NSRP1: variants seen among roughly 807,000 people sequenced by gnomAD.
NSRP1 encodes the protein nuclear speckle splicing regulatory protein 1.
In NSRP1, 24 loss-of-function variants were observed where a neutral mutation model predicts 54.7. The ratio of observed to expected loss-of-function variants is 0.44; its 90% CI spans 0.32 to 0.62. NSRP1 has a LOEUF of 0.62. Among genes scored for constraint, NSRP1 ranks in the 20% least tolerant of loss-of-function variants. The pLI, the probability that NSRP1 is intolerant of heterozygous loss-of-function variation, is 0.06. For missense variants in NSRP1, 596 were observed against 651.2 expected (o/e 0.92, Z 0.92); for synonymous variants, 210 against 213.8 (o/e 0.98, Z 0.15).
At chr17:30,135,497 G>A (rs949378762) in intron 2 of NSRP1, among the ~76,000 whole-genome samples, 3 of 150,104 alleles carry the variant, frequency 2.0e-5, no homozygotes, top group African/African-American at 4.9e-5. Context: ...TTTTTCAGAC[G>A]GAGTCTTACT....
At chr17:30,138,909 GTTTTTTTTT>G (rs964449971) in intron 2 of NSRP1, among the ~76,000 whole-genome samples, 5 of 58,140 alleles carry the variant, frequency 8.6e-5, no homozygotes, top group East Asian at 8.4e-4. Context: ...AAGTCTTAGC[GTTTTTTTTT>G]TTTTTTTTTT....
intron 2 of NSRP1, among the ~76,000 whole-genome samples, chr17:30,161,985 A>G (rs1904531923): frequency 6.6e-6 from 1 of 150,556 alleles, no homozygotes; most frequent in Admixed American, 6.6e-5. Flanking sequence ...AGAGTCATGT[A>G]TATTTTCTCT....
intron 2 of NSRP1, among the ~76,000 whole-genome samples, chr17:30,147,754 C>T (rs1048079414): frequency 2.0e-5 from 3 of 149,042 alleles, no homozygotes; most frequent in Non-Finnish European, 4.5e-5. Flanking sequence ...TGAGCCAGTG[C>T]GCCCAGCCCC....
At chr17:30,164,380 G>T (rs1043234230) in intron 2 of NSRP1, among the ~76,000 whole-genome samples, 22 of 152,112 alleles carry the variant, frequency 1.4e-4, no homozygotes, top group African/African-American at 5.3e-4. Flanking sequence ...TGTACTTTTA[G>T]AACAGTTCTA....
chr17:30,133,133 G>A (rs62070336), intron 2 of NSRP1, among the ~76,000 whole-genome samples: 1 of 104,522 alleles, frequency 9.6e-6, no homozygotes, highest in Non-Finnish European at 1.9e-5. Flanking sequence ...TTTTTTTTTG[G>A]TAGAGACAGG....
chr17:30,172,500 T>C lies in NSRP1; in HGVS notation c.115-42T>C, dbSNP rs1204401835. The C allele has an allele frequency of 4.6e-6, 7 of 1,537,910 alleles. No individual in the cohort carries two copies. In the Admixed American group the frequency reaches 1.3e-4, roughly 29 times the overall value. ...GGACGCTCGTACTGGAAAAGAAATTTTAAATTTGTTTAAAAAGTGACAATA... is the reference window on the plus strand; with the variant it reads ...GGACGCTCGTACTGGAAAAGAAATTCTAAATTTGTTTAAAAAGTGACAATA... On this transcript the variant is annotated intron_variant, in intron 2 of 6. Coordinates refer to ENST00000247026, the MANE Select transcript of NSRP1 (RefSeq NM_032141.4).
chr17:30,163,913 T>C (rs569080964), intron 2 of NSRP1, among the ~76,000 whole-genome samples: 44 of 152,148 alleles, frequency 2.9e-4, no homozygotes, highest in African/African-American at 9.9e-4. Context: ...CTTGAACTCT[T>C]GACCTCAGGT....
intron 2 of NSRP1, among the ~76,000 whole-genome samples, chr17:30,129,002 C>G (rs765964795): frequency 6.6e-6 from 1 of 151,120 alleles, no homozygotes; most frequent in Non-Finnish European, 1.5e-5. Flanking sequence ...AAGTGATCCT[C>G]CTGCTTTGGT....
At position 30,117,168 on chromosome 17, in the gene NSRP1, C is replaced by A. The variant is rs1278851243; in HGVS notation, c.20+305C>A. ...GGCCCCTCAGTCTTGCTTCCTAACCCGCGCTTGAGTTTCTCCCCGCTTGGA... is the reference window on the plus strand; with the variant it reads ...GGCCCCTCAGTCTTGCTTCCTAACCAGCGCTTGAGTTTCTCCCCGCTTGGA... On this transcript the variant is annotated intron_variant, in intron 1 of 6. Transcript: ENST00000247026. The A allele has an allele frequency of 4.3e-6, 3 of 701,790 alleles. No homozygotes were observed. The South Asian group carries it at 4.5e-5, about 11-fold the overall frequency. 43.5% of individuals were successfully genotyped at this position (701,790 alleles called of 1,614,324 possible). A position where few individuals can be genotyped will look rare whatever the true frequency, so the allele number is the denominator to read the frequency against.
At chr17:30,133,321 A>T (rs1022999099) in intron 2 of NSRP1, among the ~76,000 whole-genome samples, 6 of 152,094 alleles carry the variant, frequency 3.9e-5, no homozygotes, top group Non-Finnish European at 8.8e-5. Flanking sequence ...TCCAGAATGG[A>T]TAGTGTGTTG....
At chr17:30,171,652 T>C (rs1302911456) in intron 2 of NSRP1, among the ~76,000 whole-genome samples, 2 of 151,762 alleles carry the variant, frequency 1.3e-5, no homozygotes, top group Non-Finnish European at 2.9e-5. Flanking sequence ...TCAGACTGTT[T>C]ATCTGAAAAA....
intron 5 of NSRP1, among the ~76,000 whole-genome samples, chr17:30,180,435 C>T (rs1241289080): frequency 6.6e-6 from 1 of 152,150 alleles, no homozygotes; most frequent in African/African-American, 2.4e-5. Context: ...GGATTACAGG[C>T]GTGAGCCACT....
At chr17:30,125,898 T>G (rs1450872860) in intron 2 of NSRP1, 1 of 152,162 alleles carries the variant, frequency 6.6e-6, no homozygotes, top group Non-Finnish European at 1.5e-5. Flanking sequence ...ATAATTATCA[T>G]TTTGTTCAAG....
intron 2 of NSRP1, among the ~76,000 whole-genome samples, chr17:30,160,097 C>G (rs1904459279): frequency 6.6e-6 from 1 of 152,114 alleles, no homozygotes; most frequent in Non-Finnish European, 1.5e-5. Context: ...TGTGATATAT[C>G]ATATTTATTG....
At chr17:30,121,632 C>T (rs1400160150) in intron 2 of NSRP1, among the ~76,000 whole-genome samples, 4 of 148,172 alleles carry the variant, frequency 2.7e-5, no homozygotes, top group Admixed American at 6.7e-5. Flanking sequence ...GGCGTGATCT[C>T]GGCTCACTGC....
At chr17:30,177,885 A>G in intron 3 of NSRP1, 186 bp from the exon 4 acceptor site, 1 of 674,094 alleles carries the variant, frequency 1.5e-6, no homozygotes, top group Non-Finnish European at 2.6e-6. Context: ...AGTAATTAGT[A>G]AGTGTAGAGC....
Position 30,148,940 on chromosome 17 carries a change from A to G in NSRP1, c.115-23602A>G, listed in dbSNP as rs143540275. ...AACTAGCCTTTGATTTTGTTCATCT[A>G]TATTTTGTTGATTTATTCTCTAATT... On this transcript the variant is annotated intron_variant, in intron 2 of 6. Transcript: ENST00000247026. Among the ~76,000 whole-genome samples the G allele has an allele frequency of 2.4e-4, 36 of 152,168 alleles. 2 individuals are homozygous for G. In the East Asian group the frequency reaches 6.6e-3, roughly 28 times the overall value.
intron 2 of NSRP1, among the ~76,000 whole-genome samples, chr17:30,133,144 G>A (rs2071717526): frequency 6.7e-6 from 1 of 148,470 alleles, no homozygotes; most frequent in Non-Finnish European, 1.5e-5. Context: ...TAGAGACAGG[G>A]GTCTCACCAT....
intron 2 of NSRP1, 54 bp from the exon 3 acceptor site, chr17:30,172,488 G>A: frequency 1.4e-6 from 2 of 1,476,546 alleles, no homozygotes; most frequent in Non-Finnish European, 1.9e-6. Flanking sequence ...CGCTCGTACT[G>A]GAAAAGAAAT....
Sources: gnomAD v4.1 joint callset for allele counts (sites outside exome capture counted in the v4.1 genomes callset) on GRCh38, gnomAD v4.1.1 for gene constraint, MANE v1.5 for transcripts, NCBI Gene and HGNC (gene_info 2026-07-23, HGNC 2026-07-21) for gene names.